Variants in ARHGEF10L observed in about 807,000 individuals in gnomAD.
ARHGEF10L encodes the protein Rho guanine nucleotide exchange factor 10 like, also known as rho guanine nucleotide exchange factor 10-like protein.
In ARHGEF10L, 69 loss-of-function variants were observed where a neutral mutation model predicts 141.2. The observed-to-expected ratio is 0.49, with a 90% confidence interval of 0.40 to 0.60. The LOEUF (loss-of-function observed/expected upper bound fraction) is 0.60. ARHGEF10L is among the 20% of genes least tolerant of loss of function. The pLI is 0.00. For synonymous variants in ARHGEF10L, 711 were observed against 718.5 expected (o/e 0.99, Z 0.17); for missense variants, 1,482 against 1,734.3 (o/e 0.85, Z 2.58).
At chr1:17,599,134 G>A (rs956191945) in intron 4 of ARHGEF10L, among the ~76,000 whole-genome samples, 1 of 152,032 alleles carries the variant, frequency 6.6e-6, no homozygotes, top group Non-Finnish European at 1.5e-5. Context: ...TCAGGAGTTC[G>A]AGACCAGCCT....
chr1:17,620,757 C>T (rs865949448), intron 10 of ARHGEF10L, among the ~76,000 whole-genome samples: 7 of 152,106 alleles, frequency 4.6e-5, no homozygotes, highest in Admixed American at 6.5e-5. Flanking sequence ...CCTCCCAACC[C>T]GAGATCGAGA....
Position 17,640,219 on chromosome 1 carries a change from G to C in ARHGEF10L, c.2189G>C (p.Ser730Thr). 1 of 1,612,432 alleles carries C rather than the reference G, an allele frequency of 6.2e-7. No homozygotes were observed. The highest frequency in any genetic ancestry group is 8.5e-7 in the Non-Finnish European group (1 of 1,179,300). The stretch of plus-strand genomic sequence containing the variant: ...CACCACAGGTCCGGCCGCCCCATTA[G>C]CTTCATGGTGGTTTTCATCACCCCC... ...GKPDKSGRPI[S>T]FMVVFITPNP... Residue 730 changes from serine to threonine, a missense_variant, in exon 21 of 29, where the codon AGC (serine) becomes ACC (threonine). Physicochemically the swap from Ser to Thr is moderately conservative, Grantham distance 58. This residue lies in a region of ARHGEF10L where 858 missense variants were observed against 966.3 expected (regional missense o/e 0.89). Transcript: ENST00000361221.
At position 17,623,191 on chromosome 1, in the gene ARHGEF10L, C is replaced by A; in HGVS notation, c.1200+16C>A. ...CGTGGCCTCGGTAAGTGTCCCCAAACTTTTTCCCCAGCCCACCAAGGTAAA... is the reference window on the plus strand; with the variant it reads ...CGTGGCCTCGGTAAGTGTCCCCAAAATTTTTCCCCAGCCCACCAAGGTAAA... On this transcript the variant is annotated intron_variant, in intron 12 of 28. Coordinates refer to ENST00000361221, the MANE Select transcript of ARHGEF10L (RefSeq NM_018125.4). This position sits in a 1 kb window ranked among gnomAD's most constrained non-coding sequence, Gnocchi z 4.7. The A allele has an allele frequency of 6.2e-7, 1 of 1,608,790 alleles. No individual in the cohort carries two copies. Among genetic ancestry groups the A allele is most frequent in the Non-Finnish European group, 8.5e-7 (1 of 1,177,454 alleles).
At chr1:17,548,937 C>A (rs946023899) in intron 1 of ARHGEF10L, among the ~76,000 whole-genome samples, 1 of 151,626 alleles carries the variant, frequency 6.6e-6, no homozygotes, top group Non-Finnish European at 1.5e-5. Context: ...GTGTGAACCA[C>A]CACTTCTGGC....
intron 1 of ARHGEF10L, among the ~76,000 whole-genome samples, chr1:17,567,116 C>G (rs1475537477): frequency 2.6e-5 from 4 of 152,226 alleles, no homozygotes; most frequent in Admixed American, 6.5e-5. Context: ...CTTGGATAGA[C>G]CTGGCAAAGG....
chr1:17,532,893 C>T, the ARHGEF10L span, among the ~76,000 whole-genome samples: 1 of 152,276 alleles, frequency 6.6e-6, no homozygotes, highest in East Asian at 1.9e-4. Context: ...CTGCACCCAC[C>T]ACCCCCTCTT....
intron 22 of ARHGEF10L, among the ~76,000 whole-genome samples, chr1:17,651,624 C>A (rs1048203982): frequency 6.6e-6 from 1 of 152,132 alleles, no homozygotes; most frequent in Non-Finnish European, 1.5e-5. Context: ...AGGTGGGGAG[C>A]CTCTGCCACC....
the ARHGEF10L span, among the ~76,000 whole-genome samples, chr1:17,527,621 G>A: frequency 1.1e-4 from 17 of 151,802 alleles, no homozygotes; most frequent in Middle Eastern, 3.4e-3. Context: ...ATCAGACTCT[G>A]TGCACTGCTG....
In ARHGEF10L at chr1:17,655,992, G is replaced by A; in HGVS notation, c.2595G>A (p.Glu865=). 1.3e-6 allele frequency: 2 copies of A among 1,570,762 alleles called. No homozygotes were observed. The highest frequency in any genetic ancestry group is 1.7e-6 in the Non-Finnish European group (2 of 1,157,012). The change falls in exon 24 of 29, where the codon GAG becomes GAA. Residue 865 remains glutamate, a synonymous_variant. Transcript: ENST00000361221. ...TGGCAGCCCCTGTGCTCTGCATGGA[G>A]TATATCCCGGAGCTGGAGGAGGAGG... ...FPLAAPVLCM[E]YIPELEEEAE...
At chr1:17,576,318 C>T (rs141276509) in intron 1 of ARHGEF10L, among the ~76,000 whole-genome samples, 12 of 152,108 alleles carry the variant, frequency 7.9e-5, no homozygotes, top group Admixed American at 1.3e-4. Flanking sequence ...AGGAAGACAC[C>T]TGCTGTGATG....
intron 1 of ARHGEF10L, among the ~76,000 whole-genome samples, chr1:17,543,202 A>G (rs150400402): frequency 1.3e-3 from 194 of 152,290 alleles, no homozygotes; most frequent in African/African-American, 4.4e-3. Context: ...GGCAGTGGTG[A>G]GTTGGGAGCC....
Position 17,621,892 on chromosome 1 carries a change from T to C in ARHGEF10L, c.971T>C (p.Ile324Thr), listed in dbSNP as rs2060128563. The C allele has an allele frequency of 6.2e-7, 1 of 1,614,038 alleles. No individual in the cohort carries two copies. Among genetic ancestry groups the C allele is most frequent in the African/African-American group, 1.3e-5 (1 of 74,932 alleles). ...QVVRRHILGSIVQSEGSYVES... is the reference protein window; with the variant it reads ...QVVRRHILGSTVQSEGSYVES... Reference sequence around the variant, plus strand: ...GTCCGGAGGCATATCCTGGGCTCCATCGTGCAGAGCGAAGGCAGCTACGTG... The same window carrying C: ...GTCCGGAGGCATATCCTGGGCTCCACCGTGCAGAGCGAAGGCAGCTACGTG... Residue 324 changes from isoleucine (I) to threonine (T), a missense_variant, in exon 11 of 29, where the codon ATC becomes ACC. By Grantham distance (89) the Ile-to-Thr change is moderately conservative. Transcript: ENST00000361221. This position sits in a 1 kb window ranked among gnomAD's most constrained non-coding sequence, Gnocchi z 4.1.
rs1048304642 is a variant in ARHGEF10L, at chr1:17,673,796, G to C, written c.3009+9201G>C. On this transcript the variant is annotated intron_variant, in intron 26 of 28. Coordinates refer to ENST00000361221, the MANE Select transcript of ARHGEF10L (RefSeq NM_018125.4). The surrounding 1 kb of genome is among the most constrained non-coding windows in gnomAD (Gnocchi z 4.1). ...TCCTGTAAAATGGGGGATAATTATA[G>C]AACCTGCCCCAGGACTAAGCAGCTC... is the stretch of plus-strand genomic sequence containing the variant. 6.6e-6 allele frequency among the ~76,000 whole-genome samples: 1 copy of C among 152,142 alleles called. No homozygotes were observed. Among genetic ancestry groups the C allele is most frequent in the Non-Finnish European group, 1.5e-5 (1 of 68,028 alleles).
At chr1:17,572,757 C>T (rs2078056798) in intron 1 of ARHGEF10L, among the ~76,000 whole-genome samples, 1 of 152,144 alleles carries the variant, frequency 6.6e-6, no homozygotes, top group Non-Finnish European at 1.5e-5. Context: ...AGTAGGTGCG[C>T]AGTGAGAAGT....
rs1037861354 is a variant in ARHGEF10L at position 17,687,725 on chromosome 1, C to G, written c.3162C>G (p.Thr1054=). The G allele has an allele frequency of 1.3e-6, 2 of 1,590,704 alleles. No individual in the cohort carries two copies. The highest frequency in any genetic ancestry group is 2.3e-5 in the East Asian group (1 of 44,168). Residue 1054 remains threonine, a synonymous_variant, in exon 27 of 29, where the codon ACC becomes ACG. Transcript: ENST00000361221. ...LEHLQEINIA[T]RTTFLLPGQK... ...ATCTGCAAGAGATCAACATCGCCAC[C>G]AGGACCACCTTCCTCCTGCCAGGTG...
chr1:17,515,757 C>T, the ARHGEF10L span, among the ~76,000 whole-genome samples: 7 of 152,044 alleles, frequency 4.6e-5, no homozygotes, highest in African/African-American at 9.7e-5. Context: ...ATCCTCCCAC[C>T]TCAGCCTCCT....
At chr1:17,608,776 A>G (rs1337677416) in intron 7 of ARHGEF10L, among the ~76,000 whole-genome samples, 5 of 151,694 alleles carry the variant, frequency 3.3e-5, no homozygotes, top group Admixed American at 2.6e-4. Context: ...GGCTACTTTT[A>G]TGTTTATTTT....
chr1:17,640,349 A>T (rs1343643356), intron 21 of ARHGEF10L, 47 bp downstream of exon 21: 2 of 1,535,610 alleles, frequency 1.3e-6, no homozygotes, highest in Non-Finnish European at 1.8e-6. Context: ...GGGGTGTGGA[A>T]CGGGGAGGTT....
rs377032032 is a variant in ARHGEF10L at position 17,581,878 on chromosome 1, T to C, written c.37+1246T>C. ...CCTCCTCCCTGAGCCTCGGGGTTCT[T>C]CTTGGGCGGGGGGTGGGGAGCAGCA... is the stretch of plus-strand genomic sequence containing the variant. On this transcript the variant is annotated intron_variant, in intron 2 of 28. Coordinates refer to ENST00000361221, the MANE Select transcript of ARHGEF10L (RefSeq NM_018125.4). Among the ~76,000 whole-genome samples, 12 of 130,840 alleles carry C rather than the reference T, an allele frequency of 9.2e-5. 1 individual carries two copies. Among genetic ancestry groups the C allele is most frequent in the African/African-American group, 2.0e-4 (7 of 35,798 alleles). The allele number at this position is 130,840 out of a possible 152,430, so 85.8% of individuals were successfully genotyped here.
Sources: gnomAD v4.1 joint callset for allele counts (sites outside exome capture counted in the v4.1 genomes callset) on GRCh38, gnomAD v4.1.1 for gene constraint, gnomAD v4.1.1 regional missense constraint, Gnocchi (gnomAD v3.1) non-coding constraint, MANE v1.5 for transcripts, NCBI Gene and HGNC (gene_info 2026-07-23, HGNC 2026-07-21) for gene names.